TOGARAM1: variants seen among roughly 807,000 people sequenced by gnomAD.
The protein encoded by TOGARAM1 is TOG array regulator of axonemal microtubules 1.
TOGARAM1 carries 100 observed loss-of-function variants against 166.6 expected under a neutral mutation model. The observed-to-expected ratio is 0.60, with a 90% CI of 0.51 to 0.71. The LOEUF (loss-of-function observed/expected upper bound fraction) is 0.71, where lower values mean the gene tolerates loss of function less well. TOGARAM1 is among the 30% of genes least tolerant of loss of function. The pLI, the probability that TOGARAM1 is intolerant of heterozygous loss-of-function variation, is 0.00. For missense variants in TOGARAM1, 2,029 were observed against 2,102.7 expected, an observed-to-expected ratio of 0.96 and a Z score of 0.69; for synonymous variants, 758 against 763.8, an observed-to-expected ratio of 0.99 and a Z score of 0.13.
At chr14:44,973,801 T>G (rs1886035012) in intron 1 of TOGARAM1, among the ~76,000 whole-genome samples, 1 of 151,772 alleles carries the variant, frequency 6.6e-6, no homozygotes, top group African/African-American at 2.4e-5. Flanking sequence ...ATGGGTTTTT[T>G]TTTTCTCTCA....
chr14:45,008,836 A>G, intron 5 of TOGARAM1, 77 bp from the exon 6 acceptor site: 3 of 1,151,000 alleles, frequency 2.6e-6, no homozygotes, highest in Admixed American at 4.7e-5. Flanking sequence ...TAGCTAATGG[A>G]GTTTAAAATT....
At chr14:44,971,991 G>A (rs771635291) in intron 1 of TOGARAM1, among the ~76,000 whole-genome samples, 18 of 152,096 alleles carry the variant, frequency 1.2e-4, no homozygotes, top group Admixed American at 2.6e-4. Context: ...AAGGAGTCAC[G>A]TCTTACATGG....
chr14:45,062,166 T>C (rs953872448), intron 16 of TOGARAM1, among the ~76,000 whole-genome samples: 9 of 152,198 alleles, frequency 5.9e-5, no homozygotes, highest in Non-Finnish European at 1.0e-4. Flanking sequence ...TCAAGTGTTC[T>C]ATAATCTTAC....
intron 8 of TOGARAM1, 94 bp from the exon 9 acceptor site, chr14:45,027,205 G>T: frequency 8.1e-7 from 1 of 1,229,354 alleles, no homozygotes. Context: ...TGTGTTGTTT[G>T]ATTCTTGAAG....
At chr14:44,966,972 A>G (rs1208247016) in intron 1 of TOGARAM1, among the ~76,000 whole-genome samples, 1 of 152,110 alleles carries the variant, frequency 6.6e-6, no homozygotes, top group Non-Finnish European at 1.5e-5. Flanking sequence ...AAAATAAAAC[A>G]AAACAAGAGT....
At chr14:45,072,880 G>A (rs1860851201) in intron 19 of TOGARAM1, among the ~76,000 whole-genome samples, 6 of 152,126 alleles carry the variant, frequency 3.9e-5, no homozygotes, top group African/African-American at 4.8e-5. Context: ...TAAAAATAGG[G>A]TACTTGGTTA....
intron 1 of TOGARAM1, among the ~76,000 whole-genome samples, chr14:44,972,652 G>A (rs1885948159): frequency 6.6e-6 from 1 of 152,068 alleles, no homozygotes; most frequent in Admixed American, 6.6e-5. Context: ...TTCTTGCTCT[G>A]AAGTCTGCTG....
rs1447071742 is a variant in TOGARAM1 at position 45,006,033 on chromosome 14, A to G, written c.2670A>G (p.Pro890=). 1 of 1,565,022 alleles carries G rather than the reference A, an allele frequency of 6.4e-7. No homozygotes were observed. The highest frequency in any genetic ancestry group is 8.6e-7 in the Non-Finnish European group (1 of 1,157,786). Residue 890 remains proline (P), a synonymous_variant, in exon 5 of 20, where the codon CCA becomes CCG. Transcript: ENST00000361462. ...GAGAAAATTCTCAAGAAAAACCTCC[A>G]GTTCAGCTTACACCTGCCTTGGTGA... ...NHGENSQEKP[P]VQLTPALVRS...
At chr14:45,049,370 C>T (rs963311508) in intron 14 of TOGARAM1, among the ~76,000 whole-genome samples, 7 of 151,958 alleles carry the variant, frequency 4.6e-5, no homozygotes, top group African/African-American at 1.7e-4. Flanking sequence ...TCAAGCGATT[C>T]TGCCTCAGCC....
Position 44,963,347 on chromosome 14 carries a change from G to T in TOGARAM1, c.926G>T (p.Arg309Leu), listed in dbSNP as rs1439496197. The change falls in exon 1 of 20, where the codon CGC (arginine) becomes CTC (leucine). Residue 309 changes from arginine to leucine, a missense_variant. Coordinates refer to ENST00000361462, the MANE Select transcript of TOGARAM1 (RefSeq NM_001308120.2). ...LPSALRRHYN[R>L]RLESQFGSQV... is the part of the protein sequence containing the mutation. ...TCTGCCCTGAGGAGACACTACAATC[G>T]CCGCCTGGAGTCCCAGTTTGGAAGT... 1.2e-6 allele frequency: 2 copies of T among 1,614,110 alleles called. No individual in the cohort carries two copies. Among genetic ancestry groups the T allele is most frequent in the Non-Finnish European group, 1.7e-6 (2 of 1,180,024 alleles).
Position 44,964,020 on chromosome 14 carries a change from T to C in TOGARAM1, c.1599T>C (p.Ala533=). Residue 533 remains alanine (A), a synonymous_variant, in exon 1 of 20, where the codon GCT becomes GCC. Coordinates refer to ENST00000361462, the MANE Select transcript of TOGARAM1 (RefSeq NM_001308120.2). The part of the protein sequence containing the change: ...KRRVRQAALE[A]FAVLASSMGS... ...GGGTACGCCAAGCAGCTTTAGAAGC[T>C]TTTGCCGTATTGGCATCATCAATGG... 6.2e-7 allele frequency: 1 copy of C among 1,614,158 alleles called. No homozygotes were observed. The highest frequency in any genetic ancestry group is 2.2e-5 in the East Asian group (1 of 44,878).
At chr14:45,013,072 TG>T (rs1022089827) in intron 7 of TOGARAM1, among the ~76,000 whole-genome samples, 1 of 152,212 alleles carries the variant, frequency 6.6e-6, no homozygotes, top group African/African-American at 2.4e-5. Context: ...CTGCCCTCTT[TG>T]TATCTTGTAC....
intron 1 of TOGARAM1, among the ~76,000 whole-genome samples, chr14:44,985,732 A>G (rs1396957889): frequency 2.0e-5 from 3 of 152,252 alleles, no homozygotes; most frequent in South Asian, 4.1e-4. Context: ...CAGGACCAGT[A>G]GCAGTCCATG....
At chr14:45,071,610 A>G (rs1883385296) in intron 18 of TOGARAM1, 102 bp from the exon 19 acceptor site, 4 of 693,088 alleles carry the variant, frequency 5.8e-6, no homozygotes, top group Non-Finnish European at 9.5e-6. Flanking sequence ...ATACATTTGC[A>G]TCCTAGAAGT....
chr14:44,999,019 G>A (rs1283540779), intron 2 of TOGARAM1, among the ~76,000 whole-genome samples: 1 of 152,134 alleles, frequency 6.6e-6, no homozygotes, highest in Non-Finnish European at 1.5e-5. Flanking sequence ...GAGCTTTTTG[G>A]GTAATGCGTA....
At chr14:45,032,516 C>A in intron 11 of TOGARAM1, 140 bp downstream of exon 11, 1 of 855,394 alleles carries the variant, frequency 1.2e-6, no homozygotes, top group Non-Finnish European at 1.8e-6. Context: ...AGAGTCTTTT[C>A]AGCTCATTAA....
chr14:44,972,001 G>A (rs1178104200), intron 1 of TOGARAM1, among the ~76,000 whole-genome samples: 1 of 152,140 alleles, frequency 6.6e-6, no homozygotes, highest in Non-Finnish European at 1.5e-5. Flanking sequence ...GTCTTACATG[G>A]CCGGAGAAGG....
intron 1 of TOGARAM1, among the ~76,000 whole-genome samples, chr14:44,985,650 G>A (rs1400899126): frequency 6.6e-6 from 1 of 152,214 alleles, no homozygotes; most frequent in Non-Finnish European, 1.5e-5. Flanking sequence ...GGGAGCTACT[G>A]TAAATACATT....
Position 45,043,178 on chromosome 14 carries a change from A to T in TOGARAM1, c.3813-508A>T, listed in dbSNP as rs541286797. On this transcript the variant is annotated intron_variant, in intron 11 of 19. Transcript: ENST00000361462. ...ACCTACTGCTTCACATTGCACTTTT[A>T]TTTTTTTTTTTCTCTTTGAGACGGA... Among the ~76,000 whole-genome samples, 696 of 144,974 alleles carry T rather than the reference A, an allele frequency of 4.8e-3. 3 individuals are homozygous for T. The highest frequency in any genetic ancestry group is 0.012 in the African/African-American group (475 of 39,724).
Sources: allele counts gnomAD v4.1 joint callset (sites outside exome capture counted in the v4.1 genomes callset), GRCh38; gene constraint gnomAD v4.1.1; transcripts MANE v1.5; gene names NCBI Gene and HGNC (gene_info 2026-07-23, HGNC 2026-07-21).